Variants in DNAJC4 observed in about 807,000 individuals in gnomAD.
The protein encoded by DNAJC4 is dnaJ homolog subfamily C member 4.
Under a neutral mutation model 26.8 loss-of-function variants are expected in DNAJC4, and 26 were observed. That is an observed-to-expected ratio of 0.97 (90% CI 0.71 to 1.34). The LOEUF (loss-of-function observed/expected upper bound fraction) is 1.34. DNAJC4 is among the 40% of genes most tolerant of loss of function. The pLI is 0.00. For synonymous variants in DNAJC4, 134 were observed against 127.8 expected, an observed-to-expected ratio of 1.05 and a Z score of -0.33; for missense variants, 342 against 321.1, an observed-to-expected ratio of 1.07 and a Z score of -0.50.
rs754799881 is a variant in DNAJC4 at position 64,233,967 on chromosome 11, C to G, written c.601C>G (p.Arg201Gly). ...CATCACAGCCTTCTACAACGAAGCCCGGGCACGGGCCAGGTCTGTCCCTGC... is the reference window on the plus strand; with the variant it reads ...CATCACAGCCTTCTACAACGAAGCCGGGGCACGGGCCAGGTCTGTCCCTGC... ...RIITAFYNEARARARANRGIL... is the reference protein window; with the variant it reads ...RIITAFYNEAGARARANRGIL... Residue 201 changes from arginine to glycine, a missense_variant, in exon 5 of 6, where the codon CGG (arginine) becomes GGG (glycine). By Grantham distance (125) the Arg-to-Gly change is moderately radical. Coordinates refer to ENST00000628077, the MANE Select transcript of DNAJC4 (RefSeq NM_005528.4). 2 of 1,613,970 alleles carry G rather than the reference C, an allele frequency of 1.2e-6. No homozygotes were observed. Among genetic ancestry groups the G allele is most frequent in the South Asian group, 1.1e-5 (1 of 91,088 alleles).
rs372468022 is a variant in DNAJC4, at chr11:64,231,851, G to C, written c.87-20G>C. On this transcript the variant is annotated intron_variant, in intron 1 of 5. Coordinates refer to ENST00000628077, the MANE Select transcript of DNAJC4 (RefSeq NM_005528.4). Reference sequence around the variant, plus strand: ...TCTGGGTTCCTTCAGCCCCTGCAAGGTTTGGGACTCTGTCCACAGGTCCAG... The same window carrying C: ...TCTGGGTTCCTTCAGCCCCTGCAAGCTTTGGGACTCTGTCCACAGGTCCAG... 349 of 1,613,578 alleles carry C rather than the reference G, an allele frequency of 2.2e-4. No individual in the cohort carries two copies. The highest frequency in any genetic ancestry group is 2.8e-4 in the Non-Finnish European group (329 of 1,179,658).
rs745804637 is a variant in DNAJC4 at position 64,230,565 on chromosome 11, C to T, written c.-290C>T. Reference sequence around the variant, plus strand: ...GTTGTGGCCCCTCCTTCTCCCGTCCCCAAGTTCCCTGGGTGGGAACGGGGT... The same window carrying T: ...GTTGTGGCCCCTCCTTCTCCCGTCCTCAAGTTCCCTGGGTGGGAACGGGGT... On this transcript the variant is annotated 5_prime_UTR_variant, in exon 1 of 6. Transcript: ENST00000628077. 20 of 607,008 alleles carry T rather than the reference C, an allele frequency of 3.3e-5. No homozygotes were observed. Among genetic ancestry groups the T allele is most frequent in the Non-Finnish European group, 5.7e-5 (19 of 332,822 alleles). 37.6% of individuals were successfully genotyped at this position (607,008 alleles called of 1,614,324 possible). A position where few individuals can be genotyped will look rare whatever the true frequency, so the allele number is the denominator to read the frequency against.
At chr11:64,232,018 G>A in intron 2 of DNAJC4, 54 bp downstream of exon 2, 6 of 1,574,434 alleles carry the variant, frequency 3.8e-6, no homozygotes, top group African/African-American at 1.3e-5. Flanking sequence ...GCCAGTGGGG[G>A]TGTGCTTCAA....
At chr11:64,233,165 C>G (rs1947199284) in intron 4 of DNAJC4, 1 of 302,152 alleles carries the variant, frequency 3.3e-6, no homozygotes, top group Non-Finnish European at 6.0e-6. Context: ...ACAGCTCATT[C>G]ATTTGGCAGT....
chr11:64,232,962 A>G, intron 4 of DNAJC4, 97 bp downstream of exon 4: 1 of 1,370,552 alleles, frequency 7.3e-7, no homozygotes, highest in Non-Finnish European at 9.6e-7. Flanking sequence ...CGTGGCCCGT[A>G]CTCTTGTGTC....
rs367822015 is a variant in DNAJC4, at chr11:64,234,111, T to C, written c.653T>C (p.Leu218Pro). The C allele has an allele frequency of 2.3e-4, 370 of 1,605,822 alleles. 4 individuals carry two copies. Among genetic ancestry groups the C allele is most frequent in the Middle Eastern group, 3.3e-4 (2 of 6,072 alleles). Reference sequence around the variant, plus strand: ...ATCCTTCAGCAGGAGCGACAACGGCTAGGGCAGCGGCAGCCGCCACCATCC... The same window carrying C: ...ATCCTTCAGCAGGAGCGACAACGGCCAGGGCAGCGGCAGCCGCCACCATCC... ...RGILQQERQRLGQRQPPPSEP... is the reference protein window; with the variant it reads ...RGILQQERQRPGQRQPPPSEP... The change falls in exon 6 of 6, where the codon CTA becomes CCA. Residue 218 changes from leucine (L) to proline (P), a missense_variant. Leu to Pro is a moderately conservative substitution (Grantham distance 98). Transcript: ENST00000628077. This position sits in a 1 kb window ranked among gnomAD's most constrained non-coding sequence, Gnocchi z 5.3.
rs773321228 is a variant in DNAJC4, at chr11:64,230,966, C to T, written c.86+26C>T. The stretch of plus-strand genomic sequence containing the variant: ...GTGAGTTGGGCGCGGGGGGCCGGCC[C>T]GGTTGTTCAATGGGTTTCTGTTTGC... On this transcript the variant is annotated intron_variant, in intron 1 of 5. Coordinates refer to ENST00000628077, the MANE Select transcript of DNAJC4 (RefSeq NM_005528.4). 16 of 1,538,006 alleles carry T rather than the reference C, an allele frequency of 1.0e-5. No individual in the cohort carries two copies. In the East Asian group the frequency reaches 3.9e-4, roughly 37 times the overall value.
Position 64,234,010 on chromosome 11 carries a change from T to C in DNAJC4, c.614+30T>C, listed in dbSNP as rs753781671. On this transcript the variant is annotated intron_variant, in intron 5 of 5. Coordinates refer to ENST00000628077, the MANE Select transcript of DNAJC4 (RefSeq NM_005528.4). This position sits in a 1 kb window ranked among gnomAD's most constrained non-coding sequence, Gnocchi z 5.3. ...GTCCCTGCTCTATTCTGCTCCCTGC[T>C]CCCTGTCCAGGAACCACACTTCGGG... The C allele has an allele frequency of 6.2e-7, 1 of 1,613,980 alleles. No homozygotes were observed. The highest frequency in any genetic ancestry group is 2.2e-5 in the East Asian group (1 of 44,874).
In DNAJC4 at chr11:64,231,971, G is replaced by A. The variant is rs758063672; in HGVS notation, c.180+7G>A. 1.1e-5 allele frequency: 18 copies of A among 1,613,776 alleles called. No homozygotes were observed. The highest frequency in any genetic ancestry group is 1.7e-5 in the Admixed American group (1 of 59,998). On this transcript the variant is annotated splice_region_variant and intron_variant, in intron 2 of 5. Coordinates refer to ENST00000628077, the MANE Select transcript of DNAJC4 (RefSeq NM_005528.4). Reference sequence around the variant, plus strand: ...CTTCTCCAAGTCCAAAGAGGTACCCGTACCCCTGAGGTGGGGAGGGGGAGC... The same window carrying A: ...CTTCTCCAAGTCCAAAGAGGTACCCATACCCCTGAGGTGGGGAGGGGGAGC...
At position 64,232,630 on chromosome 11, in the gene DNAJC4, C is replaced by T. The variant is rs1273448122; in HGVS notation, c.365+16C>T. On this transcript the variant is annotated intron_variant, in intron 3 of 5. Coordinates refer to ENST00000628077, the MANE Select transcript of DNAJC4 (RefSeq NM_005528.4). ...AAACACACAGGTACAGTAATCCTGC[C>T]CTCAGCTTGCCCCACCCCCAGGTCT... 6.3e-7 allele frequency: 1 copy of T among 1,581,274 alleles called. No homozygotes were observed. The highest frequency in any genetic ancestry group is 8.6e-7 in the Non-Finnish European group (1 of 1,156,866).
Position 64,232,822 on chromosome 11 carries a change from C to T in DNAJC4, c.484C>T (p.Leu162Phe). ...QNKQVLGYCLLLMLAGMGLHY... is the reference protein window; with the variant it reads ...QNKQVLGYCLFLMLAGMGLHY... ...CAAACAAGTGCTGGGGTACTGCCTC[C>T]TCCTCATGCTGGCGGGCATGGGCCT... Residue 162 changes from leucine (L) to phenylalanine (F), a missense_variant, in exon 4 of 6, where the codon CTC becomes TTC. Transcript: ENST00000628077. 1 of 1,611,574 alleles carries T rather than the reference C, an allele frequency of 6.2e-7. No homozygotes were observed. Among genetic ancestry groups the T allele is most frequent in the South Asian group, 1.1e-5 (1 of 90,752 alleles).
chr11:64,232,309 AGGGTCACTGACCAGGCAGGGCCTCT>A, intron 2 of DNAJC4, 96 bp from the exon 3 acceptor site: 1 of 1,273,784 alleles, frequency 7.9e-7, no homozygotes, highest in South Asian at 1.5e-5. Context: ...GGCCTGAGTG[AGGGTCACTGACCAGGCAGGGCCTCT>A]GGGTATGACT....
At chr11:64,230,505 G>T (rs777386609), upstream of DNAJC4, 1 of 574,016 alleles carries the variant, frequency 1.7e-6, no homozygotes, top group African/African-American at 1.8e-5. Context: ...AAATGGCGAC[G>T]GCCGCGGGTC....
chr11:64,231,618 G>T, intron 1 of DNAJC4: 1 of 432,936 alleles, frequency 2.3e-6, no homozygotes. Context: ...TGGATTACAG[G>T]CGTGAGCCAC....
In DNAJC4 at chr11:64,233,886, C is replaced by T; in HGVS notation, c.528-8C>T. 1 of 1,612,100 alleles carries T rather than the reference C, an allele frequency of 6.2e-7. No individual in the cohort carries two copies. On this transcript the variant is annotated splice_polypyrimidine_tract_variant and splice_region_variant and intron_variant, in intron 4 of 5. Transcript: ENST00000628077. ...TGGATTCCCAGGGTTAATTGTGACC[C>T]ATTGCAGGAAGGTGAAGCAGATGCA...
At position 64,230,715 on chromosome 11, in the gene DNAJC4, C is replaced by G. The variant is rs1422390498; in HGVS notation, c.-140C>G. The G allele has an allele frequency of 8.2e-7, 1 of 1,218,468 alleles. No individual in the cohort carries two copies. The highest frequency in any genetic ancestry group is 1.2e-6 in the Non-Finnish European group (1 of 865,582). The allele number at this position is 1,218,468 out of a possible 1,614,324, so 75.5% of individuals were successfully genotyped here. Reference sequence around the variant, plus strand: ...TCTGGTCCTGGGCAAGAACCGCCCCCTCTCCGGGCCTGCTTCAGTCTTCCT... The same window carrying G: ...TCTGGTCCTGGGCAAGAACCGCCCCGTCTCCGGGCCTGCTTCAGTCTTCCT... On this transcript the variant is annotated 5_prime_UTR_variant, in exon 1 of 6. Coordinates refer to ENST00000628077, the MANE Select transcript of DNAJC4 (RefSeq NM_005528.4).
In DNAJC4 at chr11:64,232,689, T is replaced by C; in HGVS notation, c.366-15T>C. The C allele has an allele frequency of 1.3e-6, 2 of 1,582,572 alleles. No individual in the cohort carries two copies. Among genetic ancestry groups the C allele is most frequent in the Non-Finnish European group, 1.7e-6 (2 of 1,158,476 alleles). The stretch of plus-strand genomic sequence containing the variant: ...GTCTCATTTCCACAATGTCCCTTCC[T>C]CTGCCTCCCAGCAGCTCCTGGACAC... On this transcript the variant is annotated splice_polypyrimidine_tract_variant and intron_variant, in intron 3 of 5. Coordinates refer to ENST00000628077, the MANE Select transcript of DNAJC4 (RefSeq NM_005528.4).
chr11:64,233,539 C>T, intron 4 of DNAJC4: 1 of 261,734 alleles, frequency 3.8e-6, no homozygotes, highest in Non-Finnish European at 7.4e-6. Flanking sequence ...CCGCGCCTGG[C>T]CACAAAGCCG....
chr11:64,233,809 G>T, intron 4 of DNAJC4, 85 bp from the exon 5 acceptor site: 1 of 1,540,256 alleles, frequency 6.5e-7, no homozygotes. Flanking sequence ...AAAAAGCTGT[G>T]AGGCCCCTAG....
Sources: gnomAD v4.1 joint callset for allele counts on GRCh38, gnomAD v4.1.1 for gene constraint, Gnocchi (gnomAD v3.1) non-coding constraint, MANE v1.5 for transcripts, NCBI Gene and HGNC (gene_info 2026-07-23, HGNC 2026-07-21) for gene names.